The following ROBO2 variants were observed in gnomAD, a reference collection of about 807,000 sequenced individuals.
The protein encoded by ROBO2 is roundabout guidance receptor 2, also known as roundabout homolog 2.
Under a neutral mutation model 160.8 loss-of-function variants are expected in ROBO2, and 53 were observed. The ratio of observed to expected loss-of-function variants is 0.33; its 90% CI spans 0.26 to 0.41. The LOEUF (loss-of-function observed/expected upper bound fraction) is 0.41, where lower values mean the gene tolerates loss of function less well. ROBO2 is among the 10% of genes least tolerant of loss of function. The probability of loss-of-function intolerance (pLI) is 1.00; values close to 1 mark genes in which losing one functional copy is unlikely to be tolerated. For synonymous variants in ROBO2, 664 were observed against 611.7 expected (o/e 1.09, Z -1.26); for missense variants, 1,577 against 1,722.4 (o/e 0.92, Z 1.49).
At chr3:76,253,735 GC>G (rs1706183824) in intron 2 of ROBO2, among the ~76,000 whole-genome samples, 1 of 151,326 alleles carries the variant, frequency 6.6e-6, no homozygotes, top group South Asian at 2.1e-4. Context: ...ACTATTATAT[GC>G]TATTTTAATT....
chr3:76,891,120 G>A (rs1355965891), intron 2 of ROBO2, among the ~76,000 whole-genome samples: 1 of 151,980 alleles, frequency 6.6e-6, no homozygotes, highest in Non-Finnish European at 1.5e-5. Flanking sequence ...TTTAATTTAT[G>A]TAGTTCTTAA....
At chr3:76,246,404 G>A (rs190036834) in intron 2 of ROBO2, among the ~76,000 whole-genome samples, 122 of 152,124 alleles carry the variant, frequency 8.0e-4, no homozygotes, top group Admixed American at 1.8e-3. Flanking sequence ...GGTTAATGGA[G>A]GTTTTGAAAA....
At position 76,738,840 on chromosome 3, in the gene ROBO2, G is replaced by GT. The variant is rs10707050; in HGVS notation, c.110-359165dup. 2.7e-3 allele frequency among the ~76,000 whole-genome samples: 417 copies of GT among 151,654 alleles called. 1 individual carries two copies. Among genetic ancestry groups the GT allele is most frequent in the Middle Eastern group, 6.9e-3 (2 of 290 alleles). Reference sequence around the variant, plus strand: ...TTATTATTTCTGTTTTCTCTTGATTGTTTTTTTTTCTTTTTAAAAATACTA... The same window carrying GT: ...TTATTATTTCTGTTTTCTCTTGATTGTTTTTTTTTTCTTTTTAAAAATACTA... On this transcript the variant is annotated intron_variant, in intron 2 of 26. Coordinates refer to the ROBO2 transcript ENST00000487694.
intron 1 of ROBO2, among the ~76,000 whole-genome samples, chr3:77,047,839 C>T (rs968997366): frequency 2.6e-5 from 4 of 151,326 alleles, no homozygotes; most frequent in East Asian, 1.9e-4. Flanking sequence ...GTCAGGAGGT[C>T]GAGACTATCC....
intron 2 of ROBO2, among the ~76,000 whole-genome samples, chr3:76,460,423 A>C (rs1012397884): frequency 6.6e-6 from 1 of 152,194 alleles, no homozygotes; most frequent in African/African-American, 2.4e-5. Context: ...CTTTGAATGG[A>C]TAGAATATAG....
intron 2 of ROBO2, among the ~76,000 whole-genome samples, chr3:76,173,572 CT>C (rs2073121806): frequency 1.3e-5 from 2 of 151,832 alleles, no homozygotes; most frequent in Admixed American, 1.3e-4. Context: ...TCCATGTGTT[CT>C]TATTGTTCAA....
intron 2 of ROBO2, among the ~76,000 whole-genome samples, chr3:76,325,237 A>G (rs2072914782): frequency 6.6e-6 from 1 of 152,246 alleles, no homozygotes; most frequent in African/African-American, 2.4e-5. Flanking sequence ...TAATATCACA[A>G]TGGCTCAGAG....
chr3:77,112,411 T>C (rs2073740058), intron 2 of ROBO2, among the ~76,000 whole-genome samples: 1 of 151,550 alleles, frequency 6.6e-6, no homozygotes, highest in African/African-American at 2.4e-5. Flanking sequence ...GCCTGGGTAA[T>C]TTTTGTATTT....
At chr3:76,117,307 A>G (rs1476728499) in intron 2 of ROBO2, among the ~76,000 whole-genome samples, 1 of 152,204 alleles carries the variant, frequency 6.6e-6, no homozygotes. Flanking sequence ...CTATTTTCAC[A>G]AACAGTGAAG....
chr3:77,479,207 A>G (rs1313809598), intron 3 of ROBO2, among the ~76,000 whole-genome samples: 1 of 152,194 alleles, frequency 6.6e-6, no homozygotes, highest in South Asian at 2.1e-4. Flanking sequence ...CTGCACTGCA[A>G]GCAAAGGTTG....
intron 2 of ROBO2, among the ~76,000 whole-genome samples, chr3:77,133,470 C>T (rs2076023237): frequency 6.6e-6 from 1 of 152,076 alleles, no homozygotes; most frequent in Non-Finnish European, 1.5e-5. Flanking sequence ...CAAAAGAAAT[C>T]TTGACATTAT....
At chr3:76,946,921 T>C (rs1234122345) in intron 2 of ROBO2, among the ~76,000 whole-genome samples, 2 of 152,230 alleles carry the variant, frequency 1.3e-5, no homozygotes, top group Non-Finnish European at 2.9e-5. Flanking sequence ...TTTTCCCATC[T>C]CCCAGGAAAT....
intron 2 of ROBO2, among the ~76,000 whole-genome samples, chr3:76,794,981 G>C (rs1226129072): frequency 1.3e-5 from 2 of 151,966 alleles, no homozygotes; most frequent in Non-Finnish European, 2.9e-5. Flanking sequence ...ACCACCACAA[G>C]TAGCAAGTTG....
chr3:76,754,391 G>C (rs2060849115), intron 2 of ROBO2, among the ~76,000 whole-genome samples: 1 of 151,862 alleles, frequency 6.6e-6, no homozygotes, highest in Non-Finnish European at 1.5e-5. Flanking sequence ...CATTACGGCT[G>C]CAACACTGAA....
intron 2 of ROBO2, among the ~76,000 whole-genome samples, chr3:76,034,177 CT>C (rs1356599326): frequency 6.6e-6 from 1 of 152,170 alleles, no homozygotes; most frequent in Non-Finnish European, 1.5e-5. Context: ...AAATGAATAG[CT>C]GCACCCAATA....
chr3:77,171,650 G>C (rs2079643287), intron 2 of ROBO2, among the ~76,000 whole-genome samples: 1 of 152,126 alleles, frequency 6.6e-6, no homozygotes, highest in South Asian at 2.1e-4. Flanking sequence ...GTGTTGTACA[G>C]GTATCAGAAT....
chr3:76,357,912 A>AG (rs1559816458), intron 2 of ROBO2, among the ~76,000 whole-genome samples: 7 of 150,290 alleles, frequency 4.7e-5, no homozygotes, highest in African/African-American at 1.7e-4. Flanking sequence ...ATATATATAA[A>AG]TTTTAAATAT....
chr3:77,157,918 A>G (rs1205184374), intron 2 of ROBO2, among the ~76,000 whole-genome samples: 1 of 152,090 alleles, frequency 6.6e-6, no homozygotes, highest in East Asian at 1.9e-4. Context: ...GTCCTTGAAT[A>G]CGGCCCTGAT....
At chr3:77,373,170 A>T (rs1290404328) in intron 2 of ROBO2, among the ~76,000 whole-genome samples, 2 of 147,456 alleles carry the variant, frequency 1.4e-5, no homozygotes, top group African/African-American at 4.9e-5. Context: ...TATTAAAATT[A>T]TATAAAATAT....
Sources: allele counts gnomAD v4.1 joint callset (sites outside exome capture counted in the v4.1 genomes callset), GRCh38; gene constraint gnomAD v4.1.1; transcripts MANE v1.5; gene names NCBI Gene and HGNC (gene_info 2026-07-23, HGNC 2026-07-21).